The following TCF12 variants were observed in gnomAD, a reference collection of about 807,000 sequenced individuals.
The protein encoded by TCF12 is transcription factor 12.
Under a neutral mutation model 86.0 loss-of-function variants are expected in TCF12, and 45 were observed. The ratio of observed to expected loss-of-function variants is 0.52; its 90% CI spans 0.41 to 0.67. The LOEUF (loss-of-function observed/expected upper bound fraction) is 0.67, where lower values mean the gene tolerates loss of function less well. TCF12 is among the 30% of genes least tolerant of loss of function. TCF12 has a pLI of 0.00. For missense variants in TCF12, 881 were observed against 859.9 expected (o/e 1.02, Z -0.31); for synonymous variants, 330 against 299.6 (o/e 1.10, Z -1.05).
intron 3 of TCF12, among the ~76,000 whole-genome samples, chr15:56,992,071 C>T (rs2063485741): frequency 6.7e-6 from 1 of 149,670 alleles, no homozygotes; most frequent in Non-Finnish European, 1.5e-5. Flanking sequence ...CTTGGCAATA[C>T]AGTGAGATCG....
At chr15:57,253,539 T>A in intron 16 of TCF12, 71 bp downstream of exon 16, 1 of 1,545,840 alleles carries the variant, frequency 6.5e-7, no homozygotes, top group Non-Finnish European at 8.8e-7. Context: ...AATGAAATCT[T>A]TGGGAAGAGG....
chr15:57,061,674 G>C (rs1353592341), intron 3 of TCF12, among the ~76,000 whole-genome samples: 17 of 152,120 alleles, frequency 1.1e-4, no homozygotes, highest in Admixed American at 1.1e-3. Context: ...AAAATATGAA[G>C]TCATAAAAAG....
chr15:57,117,006 T>C (rs1363617307), intron 5 of TCF12, among the ~76,000 whole-genome samples: 1 of 152,140 alleles, frequency 6.6e-6, no homozygotes. Flanking sequence ...AACCATGTCA[T>C]GTAGGTTTGT....
chr15:56,956,349 TTTATTGCC>T (rs1334500414), intron 3 of TCF12, among the ~76,000 whole-genome samples: 9 of 152,020 alleles, frequency 5.9e-5, no homozygotes, highest in African/African-American at 1.7e-4. Flanking sequence ...TTTTGTCATC[TTTATTGCC>T]TTATTAGATA....
intron 19 of TCF12, among the ~76,000 whole-genome samples, chr15:57,279,613 T>G (rs1213891356): frequency 5.9e-5 from 9 of 152,196 alleles, no homozygotes; most frequent in African/African-American, 2.2e-4. Context: ...GTGTTCTTTG[T>G]CTGAATATAG....
intron 4 of TCF12, chr15:57,072,581 T>TAGGA: frequency 3.0e-6 from 3 of 1,013,288 alleles, no homozygotes; most frequent in Non-Finnish European, 3.9e-6. Context: ...TTATAGCTAC[T>TAGGA]AGGAGTTCAA....
In TCF12 at chr15:57,225,326, G is replaced by A. The variant is rs571254453; in HGVS notation, c.580-5826G>A. Among the ~76,000 whole-genome samples the A allele has an allele frequency of 2.4e-4, 32 of 131,504 alleles. No homozygotes were observed. The South Asian group carries it at 6.1e-3, about 25-fold the overall frequency. 86.3% of individuals were successfully genotyped at this position (131,504 alleles called of 152,430 possible). On this transcript the variant is annotated intron_variant, in intron 8 of 20. Transcript: ENST00000333725. ...GTGATCTCAGCTCACTGCAAGCTCC[G>A]CCTCCCAGGTTCACATCATTCTCCT...
At chr15:57,136,675 A>G (rs947352827) in intron 5 of TCF12, among the ~76,000 whole-genome samples, 3 of 152,090 alleles carry the variant, frequency 2.0e-5, no homozygotes, top group Non-Finnish European at 4.4e-5. Flanking sequence ...TCATTTCGTA[A>G]TAGATGTTTT....
intron 5 of TCF12, among the ~76,000 whole-genome samples, chr15:57,136,475 C>T (rs1161790898): frequency 6.6e-6 from 1 of 152,144 alleles, no homozygotes; most frequent in Non-Finnish European, 1.5e-5. Flanking sequence ...TGATTTAAGT[C>T]ACAGCTTTTA....
intron 15 of TCF12, among the ~76,000 whole-genome samples, 193 bp downstream of exon 15, chr15:57,252,685 C>G (rs1455475712): frequency 6.6e-6 from 1 of 152,104 alleles, no homozygotes; most frequent in Non-Finnish European, 1.5e-5. Context: ...TAAAACAGCT[C>G]TACTGGCATG....
chr15:57,042,249 T>C (rs1425329288), intron 3 of TCF12, among the ~76,000 whole-genome samples: 3 of 152,012 alleles, frequency 2.0e-5, no homozygotes, highest in African/African-American at 7.3e-5. Flanking sequence ...CAAGTGTGGG[T>C]CTGGCTCATT....
rs183196875 is a variant in TCF12, at chr15:56,944,859, T to A, written c.148+23761T>A. Among the ~76,000 whole-genome samples, 25 of 152,184 alleles carry A rather than the reference T, an allele frequency of 1.6e-4. 1 individual carries two copies. In the East Asian group the frequency reaches 1.7e-3, roughly 11 times the overall value. Reference sequence around the variant, plus strand: ...AAGGGGTTAATTCTTCCATTTGATATATTAAGAGATTCTATTTCCATATAA... The same window carrying A: ...AAGGGGTTAATTCTTCCATTTGATAAATTAAGAGATTCTATTTCCATATAA... On this transcript the variant is annotated intron_variant, in intron 3 of 20. Coordinates refer to ENST00000333725, the MANE Select transcript of TCF12 (RefSeq NM_207037.2).
chr15:57,110,528 T>G (rs1357567772), intron 5 of TCF12, among the ~76,000 whole-genome samples: 3 of 152,244 alleles, frequency 2.0e-5, no homozygotes, highest in African/African-American at 7.2e-5. Context: ...AATTATTTTC[T>G]CTGACTGGCT....
At chr15:57,075,804 TTCTCTCTC>T (rs1244304206) in intron 4 of TCF12, among the ~76,000 whole-genome samples, 2 of 28,596 alleles carry the variant, frequency 7.0e-5, no homozygotes, top group African/African-American at 2.8e-4. Context: ...CTTTCTTTCT[TTCTCTCTC>T]TCTCTCTCTC....
chr15:57,273,399 T>C (rs2061236132), intron 19 of TCF12, 137 bp downstream of exon 19: 1 of 824,732 alleles, frequency 1.2e-6, no homozygotes, highest in African/African-American at 1.7e-5. Context: ...CAGGGTCGTT[T>C]TTCCTGTAAT....
At chr15:57,046,527 C>T (rs1320257966) in intron 3 of TCF12, among the ~76,000 whole-genome samples, 4 of 152,210 alleles carry the variant, frequency 2.6e-5, no homozygotes, top group African/African-American at 9.6e-5. Context: ...ACTGCAACCT[C>T]TGCCTCCCAG....
intron 8 of TCF12, among the ~76,000 whole-genome samples, chr15:57,215,168 A>G (rs1195488485): frequency 2.0e-5 from 3 of 152,190 alleles, no homozygotes; most frequent in Non-Finnish European, 2.9e-5. Flanking sequence ...GAAGTCTGCA[A>G]TATAATGTTC....
intron 16 of TCF12, among the ~76,000 whole-genome samples, chr15:57,256,116 G>C (rs2060335049): frequency 6.6e-6 from 1 of 152,204 alleles, no homozygotes; most frequent in Non-Finnish European, 1.5e-5. Flanking sequence ...GACACTGTTA[G>C]GTGAGTCAGT....
rs113860068 is a variant in TCF12 at position 57,258,763 on chromosome 15, A to C, written c.1468-3331A>C. ...GTAAGGCTACCCTATATAATGATTT[A>C]AAAATATAAATCATGTCTGTTTTCT... On this transcript the variant is annotated intron_variant, in intron 16 of 20. Transcript: ENST00000333725. Among the ~76,000 whole-genome samples, 184 of 152,310 alleles carry C rather than the reference A, an allele frequency of 1.2e-3. 4 individuals are homozygous for C. Among genetic ancestry groups the C allele is most frequent in the African/African-American group, 4.3e-3 (180 of 41,580 alleles).
Sources: gnomAD v4.1 joint callset for allele counts (sites outside exome capture counted in the v4.1 genomes callset) on GRCh38, gnomAD v4.1.1 for gene constraint, MANE v1.5 for transcripts, NCBI Gene and HGNC (gene_info 2026-07-23, HGNC 2026-07-21) for gene names.